Variants in RFX7 observed in about 807,000 individuals in gnomAD.
The protein encoded by RFX7 is regulatory factor X7, also known as DNA-binding protein RFX7.
Under a neutral mutation model 111.8 loss-of-function variants are expected in RFX7, and 26 were observed. That is an observed-to-expected ratio of 0.23 (90% CI 0.17 to 0.32). The LOEUF (loss-of-function observed/expected upper bound fraction) is 0.32. Among genes scored for constraint, RFX7 ranks in the 10% least tolerant of loss-of-function variants. The pLI is 1.00. For synonymous variants in RFX7, 624 were observed against 624.4 expected, an observed-to-expected ratio of 1.00 and a Z score of 0.01; for missense variants, 1,573 against 1,772.9, an observed-to-expected ratio of 0.89 and a Z score of 2.02.
chr15:56,161,705 G>A (rs534740428), intron 3 of RFX7, among the ~76,000 whole-genome samples: 5 of 152,034 alleles, frequency 3.3e-5, no homozygotes, highest in African/African-American at 4.8e-5. Context: ...TGAATAACAC[G>A]GTAGAAAGTA....
At chr15:56,102,330 T>C (rs2041765201) in intron 6 of RFX7, 77 bp from the exon 7 acceptor site, 1 of 797,218 alleles carries the variant, frequency 1.3e-6, no homozygotes, top group Non-Finnish European at 2.0e-6. Context: ...AGTAACCATA[T>C]ATGAAATGAG....
chr15:56,114,720 C>A (rs553025231), intron 5 of RFX7, among the ~76,000 whole-genome samples: 1 of 152,018 alleles, frequency 6.6e-6, no homozygotes, highest in East Asian at 1.9e-4. Flanking sequence ...AAAAAACTAT[C>A]ATATATGACC....
At chr15:56,109,848 G>T (rs1288976915) in intron 5 of RFX7, among the ~76,000 whole-genome samples, 12 of 151,722 alleles carry the variant, frequency 7.9e-5, no homozygotes, top group African/African-American at 2.7e-4. Context: ...CCCTCCGCCC[G>T]GCAGCCACCC....
At chr15:56,137,309 T>C (rs1239684770) in intron 5 of RFX7, among the ~76,000 whole-genome samples, 1 of 152,232 alleles carries the variant, frequency 6.6e-6, no homozygotes, top group East Asian at 1.9e-4. Context: ...TATTGGTCTA[T>C]TCAGATATTC....
intron 5 of RFX7, among the ~76,000 whole-genome samples, chr15:56,140,733 T>A (rs1169150475): frequency 6.6e-6 from 1 of 152,200 alleles, no homozygotes; most frequent in Non-Finnish European, 1.5e-5. Flanking sequence ...ATGTTTTGGG[T>A]CTCTTTTGTT....
chr15:56,101,926 T>C (rs921360421), intron 7 of RFX7, among the ~76,000 whole-genome samples: 5 of 152,230 alleles, frequency 3.3e-5, no homozygotes, highest in African/African-American at 1.2e-4. Flanking sequence ...TATACACACA[T>C]ATAGTCAATA....
chr15:56,179,758 C>G (rs1790576777), intron 2 of RFX7, among the ~76,000 whole-genome samples: 3 of 126,836 alleles, frequency 2.4e-5, no homozygotes. Flanking sequence ...CTCTCTCTGT[C>G]TCAACACACA....
chr15:56,179,226 A>G (rs1180163974), intron 3 of RFX7, 44 bp downstream of exon 3: 1 of 971,738 alleles, frequency 1.0e-6, no homozygotes, highest in Non-Finnish European at 1.4e-6. Flanking sequence ...ATCGTCATAA[A>G]AACCTTATTG....
intron 9 of RFX7, 33 bp from the exon 10 acceptor site, chr15:56,096,653 A>G (rs780853316): frequency 1.3e-6 from 2 of 1,522,878 alleles, no homozygotes; most frequent in Non-Finnish European, 1.8e-6. Flanking sequence ...CAGATTTAAC[A>G]GGTCTAGCCT....
At chr15:56,105,693 G>A (rs1180938500) in intron 5 of RFX7, among the ~76,000 whole-genome samples, 1 of 151,924 alleles carries the variant, frequency 6.6e-6, no homozygotes, top group Admixed American at 6.6e-5. Context: ...GTAGGAGAAA[G>A]GTTGGCAAAA....
At position 56,211,163 on chromosome 15, in the gene RFX7, T is replaced by A. The variant is rs2043309453; in HGVS notation, c.162-31860A>T. Among the ~76,000 whole-genome samples the A allele has an allele frequency of 2.6e-5, 4 of 152,130 alleles. No homozygotes were observed. In the South Asian group the frequency reaches 8.3e-4, roughly 32 times the overall value. Reference sequence around the variant, plus strand: ...ATCTTTCCAAACCAAAAGCAAAGGGTCTGGATGGGTTCACTGGTAAGTTCT... The same window carrying A: ...ATCTTTCCAAACCAAAAGCAAAGGGACTGGATGGGTTCACTGGTAAGTTCT... On this transcript the variant is annotated intron_variant, in intron 2 of 9. Coordinates refer to ENST00000559447, the MANE Select transcript of RFX7 (RefSeq NM_022841.7).
intron 3 of RFX7, among the ~76,000 whole-genome samples, chr15:56,170,130 T>C (rs2042830322): frequency 1.3e-5 from 2 of 152,210 alleles, no homozygotes; most frequent in Admixed American, 6.5e-5. Flanking sequence ...CAAATATTGA[T>C]CACGTTCATG....
rs1438695453 is a variant in RFX7 at position 56,095,354 on chromosome 15, T to C, written c.2374A>G (p.Ile792Val). 6.2e-7 allele frequency: 1 copy of C among 1,613,804 alleles called. No homozygotes were observed. The highest frequency in any genetic ancestry group is 1.3e-5 in the African/African-American group (1 of 74,944). Residue 792 changes from isoleucine (I) to valine (V), a missense_variant, in exon 10 of 10, where the codon ATA becomes GTA. Coordinates refer to ENST00000559447, the MANE Select transcript of RFX7 (RefSeq NM_022841.7). ...TGCTGTTGTTCACAACTGGCAGATATAAACTCAGAATCTTTAGTGATTTGT... is the reference window on the plus strand; with the variant it reads ...TGCTGTTGTTCACAACTGGCAGATACAAACTCAGAATCTTTAGTGATTTGT... ...WQQITKDSEF[I>V]SASCEQQQDI...
intron 9 of RFX7, 102 bp from the exon 10 acceptor site, chr15:56,096,722 T>G: frequency 7.7e-7 from 1 of 1,303,162 alleles, no homozygotes; most frequent in Non-Finnish European, 1.0e-6. Context: ...ATGTTAATGT[T>G]AAAAAGAAAA....
chr15:56,111,519 G>T (rs565241938), intron 5 of RFX7, among the ~76,000 whole-genome samples: 2 of 151,394 alleles, frequency 1.3e-5, no homozygotes, highest in East Asian at 3.9e-4. Context: ...GAGGAAGGCC[G>T]CAGGGTCCTC....
At chr15:56,210,297 A>G (rs2043299483) in intron 2 of RFX7, among the ~76,000 whole-genome samples, 1 of 152,120 alleles carries the variant, frequency 6.6e-6, no homozygotes, top group Non-Finnish European at 1.5e-5. Flanking sequence ...CTAATAATAT[A>G]ACTTCAAAGT....
chr15:56,235,079 G>A (rs2414468), intron 2 of RFX7, among the ~76,000 whole-genome samples: 19,807 of 152,142 alleles, frequency 0.13, 1,692 homozygotes, highest in East Asian at 0.44. Context: ...CAGCACATAC[G>A]TAAGTAGAGA....
intron 5 of RFX7, among the ~76,000 whole-genome samples, chr15:56,120,172 TTC>T (rs753568491): frequency 6.6e-6 from 1 of 152,190 alleles, no homozygotes; most frequent in Non-Finnish European, 1.5e-5. Flanking sequence ...CCCCTTCAAT[TTC>T]TTTCATCATT....
At position 56,197,112 on chromosome 15, in the gene RFX7, A is replaced by AT. The variant is rs767725300; in HGVS notation, c.162-17810dup. 6.6e-5 allele frequency among the ~76,000 whole-genome samples: 10 copies of AT among 151,876 alleles called. No homozygotes were observed. The East Asian group carries it at 7.7e-4, about 12-fold the overall frequency. On this transcript the variant is annotated intron_variant, in intron 2 of 9. Coordinates refer to ENST00000559447, the MANE Select transcript of RFX7 (RefSeq NM_022841.7). ...TATGAAATATTTTGTTTTAAAATGCATTTTTTTTAATCAGTGATGTTGAAC... is the reference window on the plus strand; with the variant it reads ...TATGAAATATTTTGTTTTAAAATGCATTTTTTTTTAATCAGTGATGTTGAAC...
Sources: allele counts gnomAD v4.1 joint callset (sites outside exome capture counted in the v4.1 genomes callset), GRCh38; gene constraint gnomAD v4.1.1; transcripts MANE v1.5; gene names NCBI Gene and HGNC (gene_info 2026-07-23, HGNC 2026-07-21).